The following PLCL2 variants were observed in gnomAD, a reference collection of about 807,000 sequenced individuals.
The protein encoded by PLCL2 is inactive phospholipase C-like protein 2.
PLCL2 carries 4 observed loss-of-function variants against 79.6 expected under a neutral mutation model. That is an observed-to-expected ratio of 0.05 (90% CI 0.02 to 0.11). The LOEUF (loss-of-function observed/expected upper bound fraction) is 0.11, where lower values mean the gene tolerates loss of function less well. Ranked by LOEUF, PLCL2 falls within the 10% of genes least tolerant of loss-of-function variation. PLCL2 has a pLI of 1.00. For synonymous variants in PLCL2, 484 were observed against 457.7 expected, an observed-to-expected ratio of 1.06 and a Z score of -0.73; for missense variants, 895 against 1,291.0, an observed-to-expected ratio of 0.69 and a Z score of 4.70.
At chr3:16,937,769 C>G (rs555379901) in intron 1 of PLCL2, among the ~76,000 whole-genome samples, 41 of 152,296 alleles carry the variant, frequency 2.7e-4, no homozygotes, top group African/African-American at 9.9e-4. Context: ...TTTCCCCCTC[C>G]CTGTTGCCGA....
chr3:17,045,134 A>G (rs1055556676), intron 4 of PLCL2, among the ~76,000 whole-genome samples: 7 of 152,218 alleles, frequency 4.6e-5, no homozygotes, highest in African/African-American at 1.7e-4. Context: ...CATATGAAGA[A>G]TTGCTAATTT....
At chr3:16,966,204 C>T (rs112629377) in intron 1 of PLCL2, among the ~76,000 whole-genome samples, 11,535 of 103,204 alleles carry the variant, frequency 0.11, 1,036 homozygotes, top group Non-Finnish European at 0.12. Flanking sequence ...CAATACTGAA[C>T]TTATTGAGAG....
intron 5 of PLCL2, among the ~76,000 whole-genome samples, chr3:17,078,533 A>G (rs2065130370): frequency 6.6e-6 from 1 of 152,090 alleles, no homozygotes; most frequent in South Asian, 2.1e-4. Context: ...TTCCAGATGA[A>G]TGGCTGCCAG....
At chr3:16,900,647 G>T (rs954303922) in intron 1 of PLCL2, among the ~76,000 whole-genome samples, 1 of 152,150 alleles carries the variant, frequency 6.6e-6, no homozygotes, top group African/African-American at 2.4e-5. Context: ...CCTCATATTT[G>T]CATAGCTCTT....
chr3:17,017,338 C>A (rs1449443903), intron 3 of PLCL2, among the ~76,000 whole-genome samples: 6 of 152,080 alleles, frequency 3.9e-5, no homozygotes. Context: ...TCGATATGTT[C>A]TGTTAATTCC....
intron 5 of PLCL2, among the ~76,000 whole-genome samples, chr3:17,082,840 A>G (rs2065177802): frequency 6.6e-6 from 1 of 152,198 alleles, no homozygotes; most frequent in Non-Finnish European, 1.5e-5. Flanking sequence ...GCTTGATTGT[A>G]TTTACATTAA....
chr3:16,899,081 C>T (rs1175697696), intron 1 of PLCL2, among the ~76,000 whole-genome samples: 1 of 152,236 alleles, frequency 6.6e-6, no homozygotes, highest in East Asian at 1.9e-4. Flanking sequence ...AGGAAAGGTA[C>T]AGTAAGCTGC....
At chr3:16,980,704 C>T (rs969799282) in intron 1 of PLCL2, among the ~76,000 whole-genome samples, 12 of 152,158 alleles carry the variant, frequency 7.9e-5, no homozygotes, top group African/African-American at 1.7e-4. Context: ...GGCGGCCAGG[C>T]GGAGACGCCC....
intron 1 of PLCL2, among the ~76,000 whole-genome samples, chr3:16,984,903 G>A (rs2064033476): frequency 6.6e-6 from 1 of 151,942 alleles, no homozygotes; most frequent in Non-Finnish European, 1.5e-5. Context: ...CTGCACTCCA[G>A]CCTGGGCAAC....
At chr3:17,041,834 C>T (rs1256040321) in intron 3 of PLCL2, among the ~76,000 whole-genome samples, 1 of 151,980 alleles carries the variant, frequency 6.6e-6, no homozygotes, top group Non-Finnish European at 1.5e-5. Flanking sequence ...GTCCCAGCTA[C>T]CTGGGAGATG....
intron 1 of PLCL2, among the ~76,000 whole-genome samples, chr3:16,936,770 G>C (rs531894759): frequency 1.9e-4 from 29 of 152,124 alleles, no homozygotes; most frequent in African/African-American, 6.7e-4. Context: ...AAAAAACGAG[G>C]CTGGAATCAA....
At chr3:17,054,378 A>C (rs2064873095) in intron 4 of PLCL2, among the ~76,000 whole-genome samples, 2 of 152,022 alleles carry the variant, frequency 1.3e-5, no homozygotes, top group Admixed American at 6.6e-5. Context: ...GAAGTTCCAA[A>C]CTTTCCCTCA....
At chr3:17,008,922 A>G (rs1018182848) in intron 1 of PLCL2, among the ~76,000 whole-genome samples, 5 of 151,996 alleles carry the variant, frequency 3.3e-5, no homozygotes, top group Non-Finnish European at 7.4e-5. Flanking sequence ...GGCTCAAGCA[A>G]TCTTCCCATC....
At chr3:16,912,839 T>G (rs1342661312) in intron 1 of PLCL2, among the ~76,000 whole-genome samples, 1 of 152,208 alleles carries the variant, frequency 6.6e-6, no homozygotes, top group African/African-American at 2.4e-5. Flanking sequence ...TTTTGAGACA[T>G]TGGTGTTGGA....
At chr3:16,942,522 T>G (rs1421237903) in intron 1 of PLCL2, among the ~76,000 whole-genome samples, 1 of 152,160 alleles carries the variant, frequency 6.6e-6, no homozygotes, top group Non-Finnish European at 1.5e-5. Flanking sequence ...CCGAAGCACA[T>G]GGCAGGAGAT....
At chr3:16,935,383 A>C (rs1296649846) in intron 1 of PLCL2, among the ~76,000 whole-genome samples, 1 of 152,074 alleles carries the variant, frequency 6.6e-6, no homozygotes, top group Non-Finnish European at 1.5e-5. Context: ...AAAGTTTTTT[A>C]ATGTAATAAA....
rs1559474666 is a variant in PLCL2 at position 16,885,035 on chromosome 3, C to T, written c.-5C>T. 1 of 337,612 alleles carries T rather than the reference C, an allele frequency of 3.0e-6. No homozygotes were observed. Among genetic ancestry groups the T allele is most frequent in the Non-Finnish European group, 5.3e-6 (1 of 187,518 alleles). 20.9% of individuals were successfully genotyped at this position (337,612 alleles called of 1,614,324 possible). Reference sequence around the variant, plus strand: ...GGCTTTGTGCAGGCGGGTCGCGGGGCGCCCATGGCGGAGTGCGGCCGGGGG... The same window carrying T: ...GGCTTTGTGCAGGCGGGTCGCGGGGTGCCCATGGCGGAGTGCGGCCGGGGG... On this transcript the variant is annotated 5_prime_UTR_variant, in exon 1 of 6. Transcript: ENST00000615277.
At chr3:16,893,162 C>G (rs1426855448) in intron 1 of PLCL2, among the ~76,000 whole-genome samples, 1 of 152,190 alleles carries the variant, frequency 6.6e-6, no homozygotes, top group African/African-American at 2.4e-5. Flanking sequence ...TCTGTCTGAT[C>G]TGCAAACCAG....
Position 16,990,040 on chromosome 3 carries a change from T to C in PLCL2, c.328-19634T>C, listed in dbSNP as rs1030277595. ...TCTGAGATTGTCACTCAACTGGGAA[T>C]GATATAGGCAGAGGAGATAGCTCTG... On this transcript the variant is annotated intron_variant, in intron 1 of 5. Transcript: ENST00000615277. Among the ~76,000 whole-genome samples, 4 of 152,300 alleles carry C rather than the reference T, an allele frequency of 2.6e-5. No individual in the cohort carries two copies. In the East Asian group the frequency reaches 5.8e-4, roughly 22 times the overall value.
Sources: gnomAD v4.1 joint callset for allele counts (sites outside exome capture counted in the v4.1 genomes callset) on GRCh38, gnomAD v4.1.1 for gene constraint, MANE v1.5 for transcripts, NCBI Gene and HGNC (gene_info 2026-07-23, HGNC 2026-07-21) for gene names.